The following GOLM2 variants were observed in gnomAD, a reference collection of about 807,000 sequenced individuals.
The protein encoded by GOLM2 is golgi membrane protein 2.
GOLM2 carries 26 observed loss-of-function variants against 55.9 expected under a neutral mutation model. The observed-to-expected ratio is 0.47, with a 90% CI of 0.34 to 0.65. The LOEUF (loss-of-function observed/expected upper bound fraction) is 0.65, where lower values mean the gene tolerates loss of function less well. GOLM2 is among the 30% of genes least tolerant of loss of function. GOLM2 has a pLI of 0.01. For missense variants in GOLM2, 486 were observed against 531.8 expected (o/e 0.91, Z 0.85); for synonymous variants, 165 against 194.6 (o/e 0.85, Z 1.27).
chr15:44,336,655 G>A (rs970897296), intron 4 of GOLM2, among the ~76,000 whole-genome samples: 1 of 151,762 alleles, frequency 6.6e-6, no homozygotes, highest in African/African-American at 2.4e-5. Flanking sequence ...GGTGGCTCAC[G>A]CCTGTAATCC....
chr15:44,341,549 C>T (rs770725345), intron 6 of GOLM2, among the ~76,000 whole-genome samples: 1 of 151,964 alleles, frequency 6.6e-6, no homozygotes, highest in East Asian at 1.9e-4. Context: ...TTGTCTTGAC[C>T]ATTATTAGGT....
In GOLM2 at chr15:44,322,955, T is replaced by C; in HGVS notation, c.328-10T>C. The C allele has an allele frequency of 6.4e-7, 1 of 1,557,320 alleles. No homozygotes were observed. The highest frequency in any genetic ancestry group is 8.7e-7 in the Non-Finnish European group (1 of 1,153,500). The stretch of plus-strand genomic sequence containing the variant: ...TTTTTTAGTAAAATGAGAACTTAAT[T>C]TTTTTTCAGGTTAAACTACAGAACA... On this transcript the variant is annotated splice_polypyrimidine_tract_variant and intron_variant, in intron 1 of 9. Transcript: ENST00000299957.
At chr15:44,368,589 C>T (rs2079302345) in intron 6 of GOLM2, among the ~76,000 whole-genome samples, 1 of 151,858 alleles carries the variant, frequency 6.6e-6, no homozygotes, top group Admixed American at 6.6e-5. Flanking sequence ...ATATATTTCA[C>T]TTTAGATGTC....
chr15:44,388,258 A>T (rs1185465963), intron 8 of GOLM2, among the ~76,000 whole-genome samples: 27 of 142,240 alleles, frequency 1.9e-4, no homozygotes, highest in African/African-American at 6.9e-4. Flanking sequence ...TGGGCAACAG[A>T]GCAAGACCCT....
chr15:44,352,847 A>G (rs1434198322), intron 6 of GOLM2, among the ~76,000 whole-genome samples: 7 of 151,834 alleles, frequency 4.6e-5, no homozygotes, highest in Non-Finnish European at 7.4e-5. Context: ...CAGAGGTTGC[A>G]GTGAGCCCAG....
rs145235033 is a variant in GOLM2 at position 44,335,016 on chromosome 15, C to T, written c.577-2747C>T. Among the ~76,000 whole-genome samples, 514 of 151,896 alleles carry T rather than the reference C, an allele frequency of 3.4e-3. 2 individuals carry two copies. Among genetic ancestry groups the T allele is most frequent in the Non-Finnish European group, 5.7e-3 (385 of 67,972 alleles). On this transcript the variant is annotated intron_variant, in intron 4 of 9. Transcript: ENST00000299957. ...ACTGCACTCCAGCCTGACAGCAGAA[C>T]GAGACTACATCTCAAAAATTAAAAA...
chr15:44,395,490 A>C (rs1236434777), intron 8 of GOLM2, among the ~76,000 whole-genome samples: 1 of 150,108 alleles, frequency 6.7e-6, no homozygotes, highest in Admixed American at 6.7e-5. Flanking sequence ...TTATTCTCTT[A>C]TTTTCTACTG....
chr15:44,291,145 G>A (rs1458541861), intron 1 of GOLM2, among the ~76,000 whole-genome samples: 3 of 141,354 alleles, frequency 2.1e-5, no homozygotes, highest in South Asian at 2.2e-4. Flanking sequence ...GTCTCATTGT[G>A]TTGCCCAGGC....
At chr15:44,311,333 T>C (rs1042911173) in intron 1 of GOLM2, among the ~76,000 whole-genome samples, 6 of 152,158 alleles carry the variant, frequency 3.9e-5, no homozygotes, top group Admixed American at 6.5e-5. Context: ...AAAACATTTT[T>C]CCCCAAAAAT....
At chr15:44,376,825 A>G (rs1193512053) in intron 6 of GOLM2, among the ~76,000 whole-genome samples, 3 of 150,706 alleles carry the variant, frequency 2.0e-5, no homozygotes, top group African/African-American at 7.4e-5. Context: ...GCTTATAACT[A>G]TTACTTCTGG....
intron 1 of GOLM2, among the ~76,000 whole-genome samples, chr15:44,292,493 G>A (rs1325506152): frequency 6.6e-6 from 1 of 152,074 alleles, no homozygotes; most frequent in Admixed American, 6.6e-5. Flanking sequence ...ACCGCACCCG[G>A]CTAGTTCTGT....
chr15:44,311,851 T>A (rs780761614), intron 1 of GOLM2, among the ~76,000 whole-genome samples: 3 of 152,156 alleles, frequency 2.0e-5, no homozygotes, highest in African/African-American at 7.2e-5. Context: ...GGTTTCACCA[T>A]GTTGGCCAGA....
intron 4 of GOLM2, among the ~76,000 whole-genome samples, chr15:44,332,774 C>T (rs931502445): frequency 6.6e-6 from 1 of 152,018 alleles, no homozygotes; most frequent in African/African-American, 2.4e-5. Context: ...TTTCCTAAAG[C>T]ACAGAAATGA....
chr15:44,376,780 A>T (rs1160980113), intron 6 of GOLM2, among the ~76,000 whole-genome samples: 4 of 151,620 alleles, frequency 2.6e-5, no homozygotes, highest in African/African-American at 7.3e-5. Flanking sequence ...CTCTTTTTTT[A>T]ATTTTTAATT....
intron 1 of GOLM2, among the ~76,000 whole-genome samples, chr15:44,294,724 A>C (rs1019249310): frequency 7.3e-5 from 11 of 150,540 alleles, no homozygotes; most frequent in African/African-American, 1.7e-4. Flanking sequence ...AAAAAAAAAA[A>C]AAAACACCAC....
chr15:44,376,157 C>T (rs148395323), intron 6 of GOLM2, among the ~76,000 whole-genome samples: 498 of 152,288 alleles, frequency 3.3e-3, no homozygotes, highest in Non-Finnish European at 6.0e-3. Context: ...TCGCTTGAAC[C>T]GGGGAGGCGG....
Position 44,288,853 on chromosome 15 carries a change from G to A in GOLM2, c.-177G>A. On this transcript the variant is annotated 5_prime_UTR_variant, in exon 1 of 10. Coordinates refer to ENST00000299957, the MANE Select transcript of GOLM2 (RefSeq NM_138423.4). Reference sequence around the variant, plus strand: ...GGCCTGATTTGAGGAGGGGGGCGGGGAGGGACCTGCGGCTTGCGGCCCCGC... The same window carrying A: ...GGCCTGATTTGAGGAGGGGGGCGGGAAGGGACCTGCGGCTTGCGGCCCCGC... The A allele has an allele frequency of 1.7e-6, 1 of 603,540 alleles. No homozygotes were observed. Among genetic ancestry groups the A allele is most frequent in the Non-Finnish European group, 2.9e-6 (1 of 346,768 alleles). 37.4% of individuals were successfully genotyped at this position (603,540 alleles called of 1,614,324 possible). A position where few individuals can be genotyped will look rare whatever the true frequency, so the allele number is the denominator to read the frequency against.
At chr15:44,357,373 C>T (rs943599444) in intron 6 of GOLM2, among the ~76,000 whole-genome samples, 2 of 152,030 alleles carry the variant, frequency 1.3e-5, no homozygotes, top group Admixed American at 1.3e-4. Context: ...GATAAAAACA[C>T]AGTTAACTAG....
chr15:44,357,514 C>G (rs1460608832), intron 6 of GOLM2, among the ~76,000 whole-genome samples: 1 of 152,130 alleles, frequency 6.6e-6, no homozygotes, highest in Non-Finnish European at 1.5e-5. Flanking sequence ...GCCTTCTCAC[C>G]ACTCCTTTTT....
Sources: allele counts gnomAD v4.1 joint callset (sites outside exome capture counted in the v4.1 genomes callset), GRCh38; gene constraint gnomAD v4.1.1; transcripts MANE v1.5; gene names NCBI Gene and HGNC (gene_info 2026-07-23, HGNC 2026-07-21).